Variants in ADARB2 observed in about 807,000 individuals in gnomAD.
ADARB2 encodes the protein adenosine deaminase RNA specific B2 (inactive).
Under a neutral mutation model 62.2 loss-of-function variants are expected in ADARB2, and 25 were observed. That is an observed-to-expected ratio of 0.40 (90% CI 0.29 to 0.56). The LOEUF (loss-of-function observed/expected upper bound fraction) is 0.56, where lower values mean the gene tolerates loss of function less well. ADARB2 is among the 20% of genes least tolerant of loss of function. ADARB2 has a pLI of 0.43. For synonymous variants in ADARB2, 572 were observed against 500.8 expected, an observed-to-expected ratio of 1.14 and a Z score of -1.90; for missense variants, 1,071 against 1,077.4, an observed-to-expected ratio of 0.99 and a Z score of 0.08.
rs769342380 is a variant in ADARB2, at chr10:1,185,063, G to A, written c.1865-24C>T. On this transcript the variant is annotated intron_variant, in intron 8 of 9. Transcript: ENST00000381312. ...GCCTGTCGGGGAGATGGGGAAAGGC[G>A]GGCGTTAATATTCCTGGCCTCACAC... 38 of 1,602,050 alleles carry A rather than the reference G, an allele frequency of 2.4e-5. No individual in the cohort carries two copies. The Middle Eastern group carries it at 6.2e-4, about 26-fold the overall frequency.
At chr10:1,626,000 C>T (rs1833762327) in intron 1 of ADARB2, among the ~76,000 whole-genome samples, 2 of 122,718 alleles carry the variant, frequency 1.6e-5, no homozygotes. Flanking sequence ...GGACACAGGC[C>T]TCCACTGGAC....
chr10:1,293,909 G>C (rs1289411649), intron 3 of ADARB2, among the ~76,000 whole-genome samples: 1 of 151,960 alleles, frequency 6.6e-6, no homozygotes, highest in Non-Finnish European at 1.5e-5. Flanking sequence ...TCGGAGTGTC[G>C]GCAGGGCAAT....
At chr10:1,358,596 G>A (rs1177820236) in intron 3 of ADARB2, among the ~76,000 whole-genome samples, 1 of 151,690 alleles carries the variant, frequency 6.6e-6, no homozygotes, top group Non-Finnish European at 1.5e-5. Context: ...TCACTGGCAG[G>A]GAATAATTCT....
At chr10:1,702,638 T>G (rs749175312) in intron 1 of ADARB2, among the ~76,000 whole-genome samples, 1 of 152,200 alleles carries the variant, frequency 6.6e-6, no homozygotes, top group Non-Finnish European at 1.5e-5. Flanking sequence ...CCAGTGACCC[T>G]GCTTTGCTTG....
At chr10:1,399,518 C>G (rs1832644350) in intron 1 of ADARB2, among the ~76,000 whole-genome samples, 1 of 152,114 alleles carries the variant, frequency 6.6e-6, no homozygotes, top group African/African-American at 2.4e-5. Context: ...CAGGGTCTAG[C>G]AGGGTCCCCG....
intron 1 of ADARB2, among the ~76,000 whole-genome samples, chr10:1,482,423 G>C (rs1207726899): frequency 6.6e-6 from 1 of 152,212 alleles, no homozygotes; most frequent in Non-Finnish European, 1.5e-5. Context: ...AGATGAGCCG[G>C]CCATGAAAGG....
At chr10:1,243,303 G>A (rs1488571964) in intron 4 of ADARB2, among the ~76,000 whole-genome samples, 5 of 152,264 alleles carry the variant, frequency 3.3e-5, no homozygotes, top group African/African-American at 7.2e-5. Context: ...CCGCGGCCAC[G>A]TCCACAGAGT....
chr10:1,342,018 G>A (rs1832034430), intron 3 of ADARB2, among the ~76,000 whole-genome samples: 1 of 152,222 alleles, frequency 6.6e-6, no homozygotes. Context: ...TCATGGTATT[G>A]CTACATTTTC....
intron 1 of ADARB2, among the ~76,000 whole-genome samples, chr10:1,633,566 ATCTATC>A (rs1180347657): frequency 5.4e-4 from 79 of 147,578 alleles, no homozygotes; most frequent in African/African-American, 1.9e-3. Context: ...CTATCTATCT[ATCTATC>A]TATCTATCTA....
chr10:1,525,873 TTATGTGCGTG>T (rs1212386496), intron 1 of ADARB2, among the ~76,000 whole-genome samples: 3 of 151,514 alleles, frequency 2.0e-5, no homozygotes, highest in East Asian at 3.9e-4. Flanking sequence ...CTGCGTGCGT[TTATGTGCGTG>T]TATGTGCATG....
intron 2 of ADARB2, among the ~76,000 whole-genome samples, chr10:1,370,982 C>T (rs1033225239): frequency 6.6e-6 from 1 of 152,100 alleles, no homozygotes; most frequent in East Asian, 1.9e-4. Context: ...AAAAACAGAC[C>T]CTGAATAGCT....
At chr10:1,316,506 T>A (rs1831741362) in intron 3 of ADARB2, among the ~76,000 whole-genome samples, 1 of 152,256 alleles carries the variant, frequency 6.6e-6, no homozygotes, top group East Asian at 1.9e-4. Flanking sequence ...GTCCCCTTTT[T>A]GGTTTGATCT....
intron 1 of ADARB2, among the ~76,000 whole-genome samples, chr10:1,472,778 G>C (rs960935161): frequency 6.6e-6 from 1 of 152,114 alleles, no homozygotes; most frequent in Admixed American, 6.5e-5. Flanking sequence ...CTGCAGGGTG[G>C]GGGCAGGGCC....
intron 3 of ADARB2, among the ~76,000 whole-genome samples, chr10:1,284,940 C>T (rs1396235798): frequency 6.6e-6 from 1 of 152,090 alleles, no homozygotes; most frequent in Non-Finnish European, 1.5e-5. Context: ...ATCAGGAAGG[C>T]ATAGGTTGCC....
chr10:1,597,418 T>A (rs2132012135), intron 1 of ADARB2, among the ~76,000 whole-genome samples: 1 of 151,560 alleles, frequency 6.6e-6, no homozygotes, highest in Middle Eastern at 3.4e-3. Context: ...CTCAAACAAC[T>A]CAACAGAAAA....
chr10:1,701,039 A>G (rs1453863009), intron 1 of ADARB2, among the ~76,000 whole-genome samples: 1 of 5,624 alleles, frequency 1.8e-4, no homozygotes, highest in African/African-American at 2.0e-4. Flanking sequence ...CCAGGAGACC[A>G]GGCGCTCGCC....
At chr10:1,612,908 T>C (rs1421836833) in intron 1 of ADARB2, among the ~76,000 whole-genome samples, 1 of 152,234 alleles carries the variant, frequency 6.6e-6, no homozygotes, top group African/African-American at 2.4e-5. Flanking sequence ...TATTGGGTTG[T>C]AGTGATTAGT....
chr10:1,262,046 A>C (rs1199989168), intron 4 of ADARB2, among the ~76,000 whole-genome samples: 13 of 146,530 alleles, frequency 8.9e-5, no homozygotes, highest in Non-Finnish European at 1.5e-4. Context: ...GCAAGAACAA[A>C]CAACCAAACA....
intron 4 of ADARB2, among the ~76,000 whole-genome samples, chr10:1,266,227 A>G (rs1242743205): frequency 6.6e-6 from 1 of 152,158 alleles, no homozygotes; most frequent in Admixed American, 6.5e-5. Flanking sequence ...TTCCCAGTGG[A>G]AGAGAGAGCA....
Sources: gnomAD v4.1 joint callset for allele counts (sites outside exome capture counted in the v4.1 genomes callset) on GRCh38, gnomAD v4.1.1 for gene constraint, MANE v1.5 for transcripts, NCBI Gene and HGNC (gene_info 2026-07-23, HGNC 2026-07-21) for gene names.